The following PEX1 variants were observed in gnomAD, a reference collection of about 807,000 sequenced individuals.
The protein encoded by PEX1 is peroxisomal biogenesis factor 1.
A neutral mutation model predicts 152.5 loss-of-function variants in PEX1; 97 were observed. The ratio of observed to expected loss-of-function variants is 0.64; its 90% CI spans 0.54 to 0.75. The LOEUF (loss-of-function observed/expected upper bound fraction) is 0.75. Among genes scored for constraint, PEX1 ranks in the 30% least tolerant of loss-of-function variants. The pLI, the probability that PEX1 is intolerant of heterozygous loss-of-function variation, is 0.00. For synonymous variants in PEX1, 485 were observed against 531.6 expected, an observed-to-expected ratio of 0.91 and a Z score of 1.21; for missense variants, 1,357 against 1,516.3, an observed-to-expected ratio of 0.89 and a Z score of 1.74.
intron 5 of PEX1, among the ~76,000 whole-genome samples, chr7:92,515,024 G>A (rs151157971): frequency 0.01 from 1,487 of 142,918 alleles, 10 homozygotes; most frequent in Non-Finnish European, 0.016. Context: ...TCCGGCCTGG[G>A]CGACAGAGTG....
intron 17 of PEX1, among the ~76,000 whole-genome samples, chr7:92,495,284 G>A (rs1391986319): frequency 6.6e-6 from 1 of 151,650 alleles, no homozygotes; most frequent in African/African-American, 2.4e-5. Context: ...GATGTCTGGC[G>A]AATAACACCT....
chr7:92,518,385 TTA>T (rs1212707249), intron 3 of PEX1, 130 bp from the exon 4 acceptor site: 6 of 685,420 alleles, frequency 8.8e-6, no homozygotes, highest in Non-Finnish European at 1.6e-5. Context: ...CGACATGGTG[TTA>T]TGAGCTACAT....
rs761456388 is a variant in PEX1, at chr7:92,499,858, A to AT, written c.2584-21_2584-20insA. 77 of 1,566,930 alleles carry AT rather than the reference A, an allele frequency of 4.9e-5. No individual in the cohort carries two copies. In the Middle Eastern group the frequency reaches 5.0e-4, roughly 10 times the overall value. ...TGGATACTGAGAAACAAAAAAAAAA[A>AT]ATATGAAAAAGAGCTCAAGTCTAAA... On this transcript the variant is annotated intron_variant, in intron 15 of 23. Transcript: ENST00000248633.
At chr7:92,501,145 CA>C (rs1395137843) in intron 15 of PEX1, among the ~76,000 whole-genome samples, 6 of 152,136 alleles carry the variant, frequency 3.9e-5, no homozygotes, top group African/African-American at 1.4e-4. Flanking sequence ...GGCAACATAG[CA>C]AGACTCCGTC....
chr7:92,503,240 T>A, intron 12 of PEX1, 45 bp from the exon 13 acceptor site: 1 of 1,554,038 alleles, frequency 6.4e-7, no homozygotes, highest in Non-Finnish European at 8.8e-7. Flanking sequence ...AAAGTAAACA[T>A]GAAATTTAAA....
At chr7:92,516,357 G>A (rs533807615) in intron 5 of PEX1, among the ~76,000 whole-genome samples, 4 of 152,026 alleles carry the variant, frequency 2.6e-5, no homozygotes, top group Admixed American at 2.0e-4. Context: ...AACGTGGGAG[G>A]CGGAGGTTGC....
intron 22 of PEX1, 39 bp from the exon 23 acceptor site, chr7:92,489,462 G>T: frequency 6.3e-7 from 1 of 1,586,380 alleles, no homozygotes; most frequent in South Asian, 1.1e-5. Context: ...GTTAAATTAA[G>T]GATGTAAAAA....
At chr7:92,495,133 TG>T (rs1356513284) in intron 17 of PEX1, among the ~76,000 whole-genome samples, 5 of 152,158 alleles carry the variant, frequency 3.3e-5, no homozygotes, top group African/African-American at 1.2e-4. Context: ...GGTACTGTTT[TG>T]TAAGGGCTCT....
At chr7:92,496,138 T>G (rs1791643637) in intron 17 of PEX1, among the ~76,000 whole-genome samples, 1 of 152,106 alleles carries the variant, frequency 6.6e-6, no homozygotes, top group South Asian at 2.1e-4. Context: ...CATATGTATT[T>G]TATGTATATT....
Position 92,503,196 on chromosome 7 carries a change from C to G in PEX1, c.2072-1G>C, listed in dbSNP as rs776263154. The G allele has an allele frequency of 6.2e-7, 1 of 1,612,898 alleles. No individual in the cohort carries two copies. Among genetic ancestry groups the G allele is most frequent in the Non-Finnish European group, 8.5e-7 (1 of 1,179,320 alleles). ...AACTCTTTTATCATATCATTCAAAG[C>G]TGGAATTAAGCAATATAGTGCAAAA... On this transcript the variant is annotated splice_acceptor_variant, in intron 12 of 23. Coordinates refer to ENST00000248633, the MANE Select transcript of PEX1 (RefSeq NM_000466.3). LOFTEE classifies it high-confidence loss of function.
intron 11 of PEX1, 107 bp downstream of exon 11, chr7:92,506,141 T>C (rs1164920136): frequency 1.6e-6 from 1 of 621,858 alleles, no homozygotes; most frequent in Non-Finnish European, 2.9e-6. Flanking sequence ...AACAGAAAAG[T>C]TAAAGACTAG....
intron 5 of PEX1, among the ~76,000 whole-genome samples, chr7:92,514,485 G>A (rs1039624021): frequency 2.0e-5 from 3 of 152,068 alleles, no homozygotes; most frequent in Non-Finnish European, 2.9e-5. Flanking sequence ...TTAAACTATG[G>A]CACATTTACA....
chr7:92,504,989 C>G, intron 11 of PEX1, 87 bp from the exon 12 acceptor site: 1 of 945,212 alleles, frequency 1.1e-6, no homozygotes, highest in Non-Finnish European at 1.7e-6. Flanking sequence ...TAGAAAAGCT[C>G]GATATTGATT....
In PEX1 at chr7:92,499,795, C is replaced by A. The variant is rs545382069; in HGVS notation, c.2627G>T (p.Gly876Val). 1.2e-6 allele frequency: 2 copies of A among 1,611,282 alleles called. No homozygotes were observed. Among genetic ancestry groups the A allele is most frequent in the African/African-American group, 1.3e-5 (1 of 74,906 alleles). The change falls in exon 16 of 24, where the codon GGA (glycine) becomes GTA (valine). Residue 876 changes from glycine (G) to valine (V), a missense_variant. By Grantham distance (109) the Gly-to-Val change is moderately radical. Coordinates refer to ENST00000248633, the MANE Select transcript of PEX1 (RefSeq NM_000466.3). ...TCCAGGCGGACCATACAACAGTATT[C>A]CTGTTCTTTGTCGTATGGGCAAGTT... ...FANLPIRQRTGILLYGPPGTG... is the reference protein window; with the variant it reads ...FANLPIRQRTVILLYGPPGTG...
chr7:92,516,375 C>A (rs766355632), intron 5 of PEX1, among the ~76,000 whole-genome samples: 1 of 151,372 alleles, frequency 6.6e-6, no homozygotes, highest in Non-Finnish European at 1.5e-5. Context: ...TGCAGTGAGC[C>A]AGATCATGCC....
chr7:92,522,061 T>C (rs934126993), intron 2 of PEX1, 41 bp downstream of exon 2: 2 of 1,592,630 alleles, frequency 1.3e-6, no homozygotes, highest in East Asian at 2.2e-5. Flanking sequence ...TGCTATATTA[T>C]GTGATATTAG....
In PEX1 at chr7:92,494,316, C is replaced by T. The variant is rs147055244; in HGVS notation, c.3007G>A (p.Val1003Ile). The T allele has an allele frequency of 3.1e-6, 5 of 1,613,540 alleles. No individual in the cohort carries two copies. The African/African-American group carries it at 4.0e-5, about 13-fold the overall frequency. ...ACCTGATCAGGAGGAGGACAGTATACACATTTATCTAGTCGACCAGGCCTA... is the reference window on the plus strand; with the variant it reads ...ACCTGATCAGGAGGAGGACAGTATATACATTTATCTAGTCGACCAGGCCTA... ...LLRPGRLDKC[V>I]YCPPPDQVSR... The change falls in exon 19 of 24, where the codon GTA becomes ATA. Residue 1003 changes from valine (V) to isoleucine (I), a missense_variant. Transcript: ENST00000248633.
chr7:92,499,750 G>A lies in PEX1; in HGVS notation c.2672C>T (p.Ala891Val). The A allele has an allele frequency of 6.2e-7, 1 of 1,613,346 alleles. No individual in the cohort carries two copies. The highest frequency in any genetic ancestry group is 2.2e-5 in the East Asian group (1 of 44,846). ...TCTACTCTCTCGTGCAATTACCCCA[G>A]CTAGTAAGGTTTTTCCTGTTCCAGG... ...GPPGTGKTLL[A>V]GVIARESRMN... The change falls in exon 16 of 24, where the codon GCT becomes GTT. Residue 891 changes from alanine (A) to valine (V), a missense_variant. Coordinates refer to ENST00000248633, the MANE Select transcript of PEX1 (RefSeq NM_000466.3).
Position 92,507,097 on chromosome 7 carries a change from A to C in PEX1, c.1700T>G (p.Leu567Trp), listed in dbSNP as rs199989676. ...GGVNSLGVSSLEHITHSLLGR... is the reference protein window; with the variant it reads ...GGVNSLGVSSWEHITHSLLGR... ...CAGGAGGCTGTGAGTGATGTGCTCC[A>C]AGGAGGATACGCCTAAGGAATTCAC... Residue 567 changes from leucine to tryptophan, a missense_variant, in exon 10 of 24, where the codon TTG (leucine) becomes TGG (tryptophan). Physicochemically the swap from Leu to Trp is moderately conservative, Grantham distance 61. Coordinates refer to ENST00000248633, the MANE Select transcript of PEX1 (RefSeq NM_000466.3). The C allele has an allele frequency of 2.3e-5, 37 of 1,613,862 alleles. No individual in the cohort carries two copies. The African/African-American group carries it at 4.3e-4, about 19-fold the overall frequency.
Sources: gnomAD v4.1 joint callset for allele counts (sites outside exome capture counted in the v4.1 genomes callset) on GRCh38, gnomAD v4.1.1 for gene constraint, MANE v1.5 for transcripts, NCBI Gene and HGNC (gene_info 2026-07-23, HGNC 2026-07-21) for gene names.